The following SLC71A1 variants were observed in gnomAD, a reference collection of about 807,000 sequenced individuals.
SLC71A1 encodes the protein solute carrier family 71 member 1.
the SLC71A1 span, among the ~76,000 whole-genome samples, chr1:100,061,189 C>A: frequency 6.6e-6 from 1 of 152,104 alleles, no homozygotes; most frequent in South Asian, 2.1e-4. Flanking sequence ...ATCAGTATTA[C>A]AATAGAAACT....
At chr1:100,042,191 T>G in the SLC71A1 span, among the ~76,000 whole-genome samples, 1 of 152,224 alleles carries the variant, frequency 6.6e-6, no homozygotes, top group Non-Finnish European at 1.5e-5. Context: ...GCCATACAAT[T>G]GTGGAACTAC....
chr1:100,039,692 A>G, the SLC71A1 span, among the ~76,000 whole-genome samples: 1 of 152,252 alleles, frequency 6.6e-6, no homozygotes, highest in Non-Finnish European at 1.5e-5. Flanking sequence ...ACCTTTAGAA[A>G]GAGACAATAT....
the SLC71A1 span, chr1:100,038,123 G>C: frequency 1.1e-6 from 1 of 944,582 alleles, no homozygotes; most frequent in Non-Finnish European, 1.7e-6. Flanking sequence ...CAAGATGGCG[G>C]CGGGCGCCCA....
chr1:100,069,804 A>C, the SLC71A1 span: 1 of 702,204 alleles, frequency 1.4e-6, no homozygotes, highest in Non-Finnish European at 2.6e-6. Flanking sequence ...TGAGGTTGAT[A>C]GGTTCAGAAA....
the SLC71A1 span, among the ~76,000 whole-genome samples, chr1:100,059,434 G>T: frequency 6.6e-6 from 1 of 151,528 alleles, no homozygotes; most frequent in Non-Finnish European, 1.5e-5. Flanking sequence ...GAGATTATTG[G>T]TGCAAGTACT....
At chr1:100,061,553 A>G in the SLC71A1 span, among the ~76,000 whole-genome samples, 6 of 152,210 alleles carry the variant, frequency 3.9e-5, no homozygotes, top group African/African-American at 9.7e-5. Flanking sequence ...AAAAAGCAAA[A>G]TCACTTAACA....
chr1:100,078,699 G>A, the SLC71A1 span: 1 of 564,964 alleles, frequency 1.8e-6, no homozygotes. Context: ...AGATTCTAGG[G>A]TATTTATCCT....
At chr1:100,054,108 C>T in the SLC71A1 span, among the ~76,000 whole-genome samples, 1 of 144,424 alleles carries the variant, frequency 6.9e-6, no homozygotes, top group Non-Finnish European at 1.5e-5. Context: ...GTGGCGTGAT[C>T]TCGGCTCACT....
the SLC71A1 span, chr1:100,038,354 C>G: frequency 6.6e-7 from 1 of 1,525,272 alleles, no homozygotes; most frequent in Non-Finnish European, 8.9e-7. Context: ...TCCCTCGGGG[C>G]CCCCATCCGG....
the SLC71A1 span, among the ~76,000 whole-genome samples, chr1:100,055,942 G>A: frequency 6.6e-6 from 1 of 151,992 alleles, no homozygotes; most frequent in African/African-American, 2.4e-5. Context: ...TAGTAGAGAT[G>A]GGGTTTCACC....
chr1:100,081,798 T>C, the SLC71A1 span, among the ~76,000 whole-genome samples: 2 of 152,252 alleles, frequency 1.3e-5, no homozygotes, highest in African/African-American at 4.8e-5. Flanking sequence ...ATAGGCTGTT[T>C]TGCCAGTTGT....
chr1:100,055,572 A>G, the SLC71A1 span, among the ~76,000 whole-genome samples: 1 of 151,794 alleles, frequency 6.6e-6, no homozygotes, highest in African/African-American at 2.4e-5. Context: ...TTATTTTTAA[A>G]TAATATTTTA....
chr1:100,059,160 T>G, the SLC71A1 span, among the ~76,000 whole-genome samples: 1 of 134,766 alleles, frequency 7.4e-6, no homozygotes, highest in Non-Finnish European at 1.6e-5. Flanking sequence ...TTTTTTTTTT[T>G]TTTTTTTTTT....
chr1:100,065,510 C>CT, the SLC71A1 span, among the ~76,000 whole-genome samples: 3 of 143,682 alleles, frequency 2.1e-5, no homozygotes, highest in Non-Finnish European at 4.5e-5. Flanking sequence ...CCCCTTTCCA[C>CT]TTTTCACTTT....
the SLC71A1 span, chr1:100,038,422 C>A: frequency 1.1e-6 from 1 of 916,306 alleles, no homozygotes; most frequent in Non-Finnish European, 1.7e-6. Context: ...TCCCTCCCTT[C>A]CCCCACCCTG....
chr1:100,038,208 A>C, the SLC71A1 span: 3 of 1,545,606 alleles, frequency 1.9e-6, no homozygotes, highest in African/African-American at 2.7e-5. Flanking sequence ...TGGCTGCAGC[A>C]GCGCCAGGAA....
the SLC71A1 span, among the ~76,000 whole-genome samples, chr1:100,048,544 C>T: frequency 6.6e-6 from 1 of 152,198 alleles, no homozygotes; most frequent in Non-Finnish European, 1.5e-5. Context: ...GCATCACCTC[C>T]TCCTTCCTGA....
At chr1:100,048,435 C>T in the SLC71A1 span, among the ~76,000 whole-genome samples, 1 of 152,116 alleles carries the variant, frequency 6.6e-6, no homozygotes, top group Admixed American at 6.5e-5. Context: ...CCACCTTGGC[C>T]TCCCAAAGTG....
chr1:100,077,402 G>A, the SLC71A1 span: 4 of 607,158 alleles, frequency 6.6e-6, no homozygotes, highest in South Asian at 2.1e-5. Context: ...CTTTCAAAAT[G>A]TGTCTAATAT....
Sources: gnomAD v4.1 joint callset for allele counts (sites outside exome capture counted in the v4.1 genomes callset) on GRCh38, gnomAD v4.1.1 for gene constraint, MANE v1.5 for transcripts, NCBI Gene and HGNC (gene_info 2026-07-23, HGNC 2026-07-21) for gene names.